Variants in RAPGEF5 observed in about 807,000 individuals in gnomAD.
The protein encoded by RAPGEF5 is Rap guanine nucleotide exchange factor 5.
Under a neutral mutation model 125.2 loss-of-function variants are expected in RAPGEF5, and 65 were observed. The observed-to-expected ratio is 0.52, with a 90% CI of 0.43 to 0.64. The LOEUF is 0.64. Ranked by LOEUF, RAPGEF5 falls within the 30% of genes least tolerant of loss-of-function variation. The pLI is 0.00. For missense variants in RAPGEF5, 958 were observed against 1,048.1 expected (o/e 0.91, Z 1.19); for synonymous variants, 391 against 385.9 (o/e 1.01, Z -0.16).
intron 17 of RAPGEF5, among the ~76,000 whole-genome samples, chr7:22,153,570 G>C (rs915835998): frequency 6.6e-6 from 1 of 152,082 alleles, no homozygotes; most frequent in Non-Finnish European, 1.5e-5. Flanking sequence ...CAAAGCCATA[G>C]GAACAAGATA....
chr7:22,286,894 C>A (rs1359951336), intron 6 of RAPGEF5, among the ~76,000 whole-genome samples: 1 of 152,182 alleles, frequency 6.6e-6, no homozygotes, highest in Non-Finnish European at 1.5e-5. Flanking sequence ...AACTGATGAG[C>A]TGTGTCATTC....
At chr7:22,137,522 G>A (rs888568860) in intron 21 of RAPGEF5, among the ~76,000 whole-genome samples, 4 of 152,168 alleles carry the variant, frequency 2.6e-5, no homozygotes, top group African/African-American at 4.8e-5. Context: ...GGAAACATAG[G>A]CCATCCTCCC....
intron 3 of RAPGEF5, chr7:22,314,626 A>G (rs949682863): frequency 2.0e-6 from 2 of 982,518 alleles, no homozygotes; most frequent in African/African-American, 3.5e-5. Flanking sequence ...TGGGTATTGC[A>G]CGTCATTTCT....
chr7:22,159,762 G>A (rs1260957471), intron 14 of RAPGEF5, among the ~76,000 whole-genome samples: 1 of 152,110 alleles, frequency 6.6e-6, no homozygotes, highest in Non-Finnish European at 1.5e-5. Flanking sequence ...GCTTTTTAAA[G>A]TCTTTCTAAA....
intron 25 of RAPGEF5, chr7:22,125,247 C>A: frequency 5.3e-6 from 1 of 187,294 alleles, no homozygotes; most frequent in South Asian, 1.1e-4. Context: ...GGGGCAAGGT[C>A]ACCCCTGCTA....
intron 9 of RAPGEF5, chr7:22,194,868 C>G: frequency 1.6e-6 from 1 of 631,910 alleles, no homozygotes; most frequent in Non-Finnish European, 2.0e-6. Flanking sequence ...AGCAGGGTGG[C>G]CTCCAACTCG....
intron 1 of RAPGEF5, among the ~76,000 whole-genome samples, chr7:22,333,253 T>C (rs1008851468): frequency 6.6e-6 from 1 of 152,094 alleles, no homozygotes; most frequent in African/African-American, 2.4e-5. Context: ...TGCATGACTA[T>C]ATACCCAGAT....
At position 22,125,441 on chromosome 7, in the gene RAPGEF5, T is replaced by C. The variant is rs1413748809; in HGVS notation, c.2536+163A>G. 1.3e-5 allele frequency: 8 copies of C among 608,588 alleles called. No individual in the cohort carries two copies. In the East Asian group the frequency reaches 2.2e-4, roughly 16 times the overall value. 37.7% of individuals were successfully genotyped at this position (608,588 alleles called of 1,614,324 possible). A position where few individuals can be genotyped will look rare whatever the true frequency, so the allele number is the denominator to read the frequency against. On this transcript the variant is annotated intron_variant, in intron 25 of 25. Transcript: ENST00000665637. ...CTTCCTCTGCATCCCCAACATGCAG[T>C]GAGGAAACAAAGAGACAATCTACTA...
intron 9 of RAPGEF5, among the ~76,000 whole-genome samples, chr7:22,218,977 G>A (rs1042179062): frequency 2.0e-5 from 3 of 152,076 alleles, no homozygotes; most frequent in African/African-American, 7.2e-5. Context: ...GTAAAACCCT[G>A]CCATTTGTAT....
At chr7:22,350,111 G>A (rs1354490685) in intron 1 of RAPGEF5, among the ~76,000 whole-genome samples, 1 of 152,010 alleles carries the variant, frequency 6.6e-6, no homozygotes, top group East Asian at 1.9e-4. Context: ...TATCATTACT[G>A]GAATTATCTA....
intron 16 of RAPGEF5, 80 bp downstream of exon 16, chr7:22,156,730 C>A: frequency 6.3e-7 from 1 of 1,593,932 alleles, no homozygotes; most frequent in Non-Finnish European, 8.6e-7. Flanking sequence ...GAAGGTTAGT[C>A]AGGCTGATAT....
In RAPGEF5 at chr7:22,162,468, G is replaced by C. The variant is rs1187536450; in HGVS notation, c.1357C>G (p.Leu453Val). 2 of 1,602,792 alleles carry C rather than the reference G, an allele frequency of 1.2e-6. No homozygotes were observed. The highest frequency in any genetic ancestry group is 1.7e-6 in the Non-Finnish European group (2 of 1,169,828). ...VPRRKRKVLH[L>V]VSQWIALYKD... is the part of the protein sequence containing the mutation. ...TACAGAGCAATCCACTGGGAAACAA[G>C]ATGCAAGACTTTACGTTTCCTACGC... The change falls in exon 13 of 26, where the codon CTT becomes GTT. Residue 453 changes from leucine (L) to valine (V), a missense_variant. Leu to Val is a conservative substitution (Grantham distance 32). Coordinates refer to ENST00000665637, the MANE Select transcript of RAPGEF5 (RefSeq NM_012294.5).
At chr7:22,199,841 G>A (rs995932657) in intron 9 of RAPGEF5, among the ~76,000 whole-genome samples, 9 of 152,086 alleles carry the variant, frequency 5.9e-5, no homozygotes, top group African/African-American at 2.2e-4. Context: ...TGGCTGACTG[G>A]GGACCAATTT....
At position 22,219,926 on chromosome 7, in the gene RAPGEF5, C is replaced by A. The variant is rs758333800; in HGVS notation, c.936G>T (p.Leu312=). The A allele has an allele frequency of 2.5e-6, 4 of 1,613,316 alleles. No individual in the cohort carries two copies. Among genetic ancestry groups the A allele is most frequent in the Non-Finnish European group, 3.4e-6 (4 of 1,179,474 alleles). Residue 312 remains leucine, a synonymous_variant, in exon 9 of 26, where the codon CTG becomes CTT. Coordinates refer to ENST00000665637, the MANE Select transcript of RAPGEF5 (RefSeq NM_012294.5). ...EIGRIELVQK[L]AKENYQFLQT... ...GCAAAAACTGATAGTTTTCTTTTGC[C>A]AGCTTCTGGACTAGTTCAATTCGTC...
intron 8 of RAPGEF5, among the ~76,000 whole-genome samples, chr7:22,221,110 T>A (rs1785777003): frequency 6.6e-6 from 1 of 152,172 alleles, no homozygotes; most frequent in South Asian, 2.1e-4. Flanking sequence ...AATAAAAAAT[T>A]TCTGACGTGG....
chr7:22,307,532 C>T (rs1020229845), intron 5 of RAPGEF5, among the ~76,000 whole-genome samples: 22 of 152,224 alleles, frequency 1.4e-4, no homozygotes, highest in African/African-American at 5.3e-4. Flanking sequence ...ATTCCCTAAT[C>T]TTGCTCCACC....
intron 1 of RAPGEF5, among the ~76,000 whole-genome samples, chr7:22,346,019 A>C (rs1349692595): frequency 6.6e-6 from 1 of 152,178 alleles, no homozygotes. Flanking sequence ...CTCCAACTGA[A>C]GAGATGTGGT....
chr7:22,150,822 T>A (rs1201430497), intron 17 of RAPGEF5, among the ~76,000 whole-genome samples: 1 of 152,228 alleles, frequency 6.6e-6, no homozygotes, highest in Non-Finnish European at 1.5e-5. Context: ...CAATACCATG[T>A]TAACACTGGT....
intron 1 of RAPGEF5, among the ~76,000 whole-genome samples, chr7:22,332,609 T>C (rs1037168613): frequency 1.3e-5 from 2 of 152,190 alleles, no homozygotes; most frequent in African/African-American, 4.8e-5. Context: ...TGGTTCCCAT[T>C]TCTTATTATG....
Sources: gnomAD v4.1 joint callset for allele counts (sites outside exome capture counted in the v4.1 genomes callset) on GRCh38, gnomAD v4.1.1 for gene constraint, MANE v1.5 for transcripts, NCBI Gene and HGNC (gene_info 2026-07-23, HGNC 2026-07-21) for gene names.